Variants in CAMTA1 observed in about 807,000 individuals in gnomAD.
CAMTA1 encodes calmodulin binding transcription activator 1.
Under a neutral mutation model 170.9 loss-of-function variants are expected in CAMTA1, and 27 were observed. The observed-to-expected ratio is 0.16, with a 90% CI of 0.12 to 0.22. The LOEUF is 0.22. Ranked by LOEUF, CAMTA1 falls within the 10% of genes least tolerant of loss-of-function variation. CAMTA1 has a pLI of 1.00. For synonymous variants in CAMTA1, 833 were observed against 891.5 expected (o/e 0.93, Z 1.17); for missense variants, 1,619 against 2,217.2 (o/e 0.73, Z 5.42).
chr1:7,747,914 T>A lies in CAMTA1; in HGVS notation c.4689+133T>A, dbSNP rs1171812542. 13 of 571,304 alleles carry A rather than the reference T, an allele frequency of 2.3e-5. No homozygotes were observed. In the South Asian group the frequency reaches 3.0e-4, roughly 13 times the overall value. 35.4% of individuals were successfully genotyped at this position (571,304 alleles called of 1,614,324 possible). A position where few individuals can be genotyped will look rare whatever the true frequency, so the allele number is the denominator to read the frequency against. On this transcript the variant is annotated intron_variant, in intron 19 of 22. Transcript: ENST00000303635. ...TAATTTGTTTTTTGGTTGTTTTTTT[T>A]TTTTTATTTTTTTTTTGAAACGGAG...
At chr1:7,006,033 T>G (rs1440394631) in intron 3 of CAMTA1, among the ~76,000 whole-genome samples, 1 of 151,982 alleles carries the variant, frequency 6.6e-6, no homozygotes, top group Non-Finnish European at 1.5e-5. Flanking sequence ...TAGCATTGGG[T>G]GTGGAGCATT....
chr1:6,832,043 A>G (rs1557653706), intron 3 of CAMTA1, among the ~76,000 whole-genome samples: 1 of 147,620 alleles, frequency 6.8e-6, no homozygotes, highest in African/African-American at 2.7e-5. Flanking sequence ...ATTAAATAAT[A>G]ATTAATTTCA....
At chr1:7,639,547 C>T (rs190412742) in intron 6 of CAMTA1, among the ~76,000 whole-genome samples, 1 of 151,978 alleles carries the variant, frequency 6.6e-6, no homozygotes, top group African/African-American at 2.4e-5. Context: ...CTGAGGTGGG[C>T]GGATTGCTTG....
intron 3 of CAMTA1, among the ~76,000 whole-genome samples, chr1:6,897,717 T>G (rs1264930167): frequency 6.6e-6 from 1 of 152,210 alleles, no homozygotes; most frequent in Non-Finnish European, 1.5e-5. Flanking sequence ...ATTATTTGTT[T>G]GAAAATGAAA....
chr1:7,738,516 C>G lies in CAMTA1; in HGVS notation c.4182+34C>G, dbSNP rs759162284. On this transcript the variant is annotated intron_variant, in intron 16 of 22. Coordinates refer to ENST00000303635, the MANE Select transcript of CAMTA1 (RefSeq NM_015215.4). This position sits in a 1 kb window ranked among gnomAD's most constrained non-coding sequence, Gnocchi z 4.9. ...CAGGGACAGGGTAAGCCCGCAGAGG[C>G]TGGTGCGTTCCAGTTGCTGTGATCT... The G allele has an allele frequency of 1.3e-6, 2 of 1,591,094 alleles. No homozygotes were observed. The highest frequency in any genetic ancestry group is 1.7e-6 in the Non-Finnish European group (2 of 1,166,406).
chr1:7,009,266 T>TG (rs1026772745), intron 3 of CAMTA1, among the ~76,000 whole-genome samples: 9 of 152,132 alleles, frequency 5.9e-5, no homozygotes, highest in Non-Finnish European at 1.5e-5. Context: ...GGGAGGTTTC[T>TG]GGGGGGCTAG....
At chr1:6,842,923 T>G (rs563905049) in intron 3 of CAMTA1, among the ~76,000 whole-genome samples, 1 of 148,116 alleles carries the variant, frequency 6.8e-6, no homozygotes, top group East Asian at 2.0e-4. Flanking sequence ...AGTCTCCATC[T>G]CAAAAAAAAA....
intron 4 of CAMTA1, among the ~76,000 whole-genome samples, 175 bp downstream of exon 4, chr1:7,091,546 C>T (rs944528218): frequency 2.0e-5 from 3 of 152,114 alleles, no homozygotes; most frequent in Admixed American, 6.5e-5. Flanking sequence ...GCAGTGAATA[C>T]GATCAGATGG....
intron 1 of CAMTA1, among the ~76,000 whole-genome samples, chr1:6,800,687 A>C (rs537555718): frequency 3.5e-4 from 54 of 152,330 alleles, no homozygotes; most frequent in Non-Finnish European, 7.3e-5. Flanking sequence ...CCAGTAATTC[A>C]GTAAATGAAG....
intron 6 of CAMTA1, among the ~76,000 whole-genome samples, chr1:7,573,084 G>A (rs12059360): frequency 0.09 from 13,726 of 152,202 alleles, 2,092 homozygotes; most frequent in African/African-American, 0.31. Flanking sequence ...TTTACTCCTG[G>A]ACAAGACTCA....
intron 3 of CAMTA1, among the ~76,000 whole-genome samples, chr1:6,906,197 C>G (rs917511481): frequency 5.6e-5 from 6 of 106,256 alleles, no homozygotes; most frequent in Non-Finnish European, 1.3e-4. Context: ...CTCCCAGGTC[C>G]TCCTCCTCCT....
intron 11 of CAMTA1, among the ~76,000 whole-genome samples, chr1:7,691,784 G>A (rs372413179): frequency 7.2e-5 from 11 of 152,192 alleles, no homozygotes; most frequent in South Asian, 2.1e-4. Context: ...AAATGTCTGC[G>A]TGGAGGTGGC....
intron 5 of CAMTA1, among the ~76,000 whole-genome samples, chr1:7,332,073 T>G (rs2083068652): frequency 1.3e-5 from 2 of 152,212 alleles, no homozygotes; most frequent in South Asian, 4.1e-4. Context: ...GGGATCATGC[T>G]TCACAGTTGA....
intron 4 of CAMTA1, among the ~76,000 whole-genome samples, chr1:7,211,468 G>A (rs1231402061): frequency 6.6e-6 from 1 of 152,164 alleles, no homozygotes. Context: ...AGCTTTACCT[G>A]TTCTAGCACT....
intron 11 of CAMTA1, among the ~76,000 whole-genome samples, chr1:7,715,499 C>T (rs1470676828): frequency 6.6e-6 from 1 of 151,136 alleles, no homozygotes; most frequent in Non-Finnish European, 1.5e-5. Flanking sequence ...GTGGCACAGT[C>T]ATGGCTCACT....
intron 4 of CAMTA1, among the ~76,000 whole-genome samples, chr1:7,198,882 G>A (rs1382826204): frequency 6.6e-6 from 1 of 152,130 alleles, no homozygotes; most frequent in Non-Finnish European, 1.5e-5. Context: ...CGCGGGCAAC[G>A]CTGGATGCAG....
chr1:7,476,694 G>A (rs533674163), intron 6 of CAMTA1, among the ~76,000 whole-genome samples: 1 of 152,230 alleles, frequency 6.6e-6, no homozygotes, highest in East Asian at 1.9e-4. Flanking sequence ...CTCTCTGCTG[G>A]GCTCAGAAGA....
intron 3 of CAMTA1, among the ~76,000 whole-genome samples, chr1:6,909,056 T>A (rs1031563489): frequency 3.3e-5 from 5 of 152,296 alleles, no homozygotes; most frequent in African/African-American, 7.2e-5. Flanking sequence ...CTTTTAAAAA[T>A]TTTTTTCCAA....
At chr1:7,584,365 C>T (rs1432267318) in intron 6 of CAMTA1, among the ~76,000 whole-genome samples, 2 of 151,886 alleles carry the variant, frequency 1.3e-5, no homozygotes, top group Non-Finnish European at 2.9e-5. Flanking sequence ...CTGTCTCGCT[C>T]GGATTAGGCC....
Sources: gnomAD v4.1 joint callset for allele counts (sites outside exome capture counted in the v4.1 genomes callset) on GRCh38, gnomAD v4.1.1 for gene constraint, Gnocchi (gnomAD v3.1) non-coding constraint, MANE v1.5 for transcripts, NCBI Gene and HGNC (gene_info 2026-07-23, HGNC 2026-07-21) for gene names.